ZNF846: variants seen among roughly 807,000 people sequenced by gnomAD.
ZNF846 encodes the protein zinc finger protein 846, also known as zinc finger protein 420 pseudogene.
ZNF846 carries 15 observed loss-of-function variants against 16.0 expected under a neutral mutation model. The observed-to-expected ratio is 0.94, with a 90% confidence interval of 0.63 to 1.45. The LOEUF is 1.45. Ranked by LOEUF, ZNF846 falls within the 40% of genes most tolerant of loss-of-function variation. ZNF846 has a pLI of 0.00. For synonymous variants in ZNF846, 229 were observed against 212.0 expected (o/e 1.08, Z -0.70); for missense variants, 714 against 622.3 (o/e 1.15, Z -1.57).
intron 1 of ZNF846, among the ~76,000 whole-genome samples, chr19:9,781,815 G>T (rs2045504658): frequency 7.2e-6 from 1 of 138,578 alleles, no homozygotes. Flanking sequence ...TGTCGCTCTT[G>T]TTGCCCAGGC....
At chr19:9,774,682 A>G in intron 1 of ZNF846, 1 of 1,491,872 alleles carries the variant, frequency 6.7e-7, no homozygotes, top group East Asian at 2.3e-5. Flanking sequence ...CAGAGTATCC[A>G]TTCAAACTAC....
chr19:9,761,212 A>C (rs1290861151), intron 4 of ZNF846, among the ~76,000 whole-genome samples: 4 of 151,968 alleles, frequency 2.6e-5, no homozygotes, highest in Non-Finnish European at 5.9e-5. Context: ...CAAACAAACA[A>C]ACAAACAAAG....
At chr19:9,774,482 A>T (rs2045417636) in intron 1 of ZNF846, 1 of 974,162 alleles carries the variant, frequency 1.0e-6, no homozygotes, top group Non-Finnish European at 1.6e-6. Flanking sequence ...AAAAAAAAAA[A>T]ATACCAAATC....
At chr19:9,754,563 T>TCAAAAAAA (rs776769152), downstream of ZNF846, among the ~76,000 whole-genome samples, 1,072 of 83,630 alleles carry the variant, frequency 0.013, 59 homozygotes, top group Admixed American at 0.025. Flanking sequence ...AGACTCTGTC[T>TCAAAAAAA]TAAAAAAAAA....
At chr19:9,762,253 G>A (rs979095469) in intron 3 of ZNF846, 85 bp from the exon 4 acceptor site, 33 of 1,013,750 alleles carry the variant, frequency 3.3e-5, no homozygotes, top group Admixed American at 2.2e-4. Context: ...TTTTGCCTTC[G>A]GGGATTCTAA....
downstream of ZNF846, among the ~76,000 whole-genome samples, chr19:9,751,300 A>G (rs999212046): frequency 1.1e-4 from 16 of 152,064 alleles, no homozygotes; most frequent in African/African-American, 3.6e-4. Flanking sequence ...ATCCTGCTCA[A>G]AGCAGCCCTG....
intron 1 of ZNF846, among the ~76,000 whole-genome samples, chr19:9,776,379 T>C (rs964642946): frequency 1.3e-5 from 2 of 152,210 alleles, no homozygotes; most frequent in Non-Finnish European, 1.5e-5. Context: ...CTCTGCCTTC[T>C]AGATAGCAGT....
chr19:9,782,118 C>T (rs1044494614), intron 1 of ZNF846, among the ~76,000 whole-genome samples: 6 of 152,034 alleles, frequency 3.9e-5, no homozygotes, highest in African/African-American at 9.7e-5. Flanking sequence ...GATAGAAGAA[C>T]TTTCCCTCAA....
chr19:9,753,195 A>G (rs1043983912), downstream of ZNF846, among the ~76,000 whole-genome samples: 1 of 151,304 alleles, frequency 6.6e-6, no homozygotes, highest in African/African-American at 2.5e-5. Context: ...TTAAGATGTC[A>G]ACATACGCAA....
Position 9,780,752 on chromosome 19 carries a change from C to T in ZNF846, c.-86+5186G>A, listed in dbSNP as rs141177668. On this transcript the variant is annotated intron_variant, in intron 1 of 4. Transcript: ENST00000586814. ...GTGTGAGCCACTGCACTCAGCCTGA[C>T]CTAGTGATGTTTTACTCCCAGTTCT... 2.8e-4 allele frequency among the ~76,000 whole-genome samples: 43 copies of T among 152,236 alleles called. No individual in the cohort carries two copies. In the East Asian group the frequency reaches 7.9e-3, roughly 28 times the overall value.
chr19:9,762,671 C>G (rs534717942), intron 3 of ZNF846, among the ~76,000 whole-genome samples: 1 of 152,176 alleles, frequency 6.6e-6, no homozygotes, highest in East Asian at 1.9e-4. Flanking sequence ...ATCCTCTACA[C>G]CAGGGGTGTC....
At chr19:9,767,355 G>C (rs1476684995) in intron 1 of ZNF846, among the ~76,000 whole-genome samples, 1 of 151,746 alleles carries the variant, frequency 6.6e-6, no homozygotes, top group African/African-American at 2.4e-5. Flanking sequence ...GGCTGGTCTG[G>C]AACTCCCAAC....
exon 6 of ZNF846, chr19:9,757,843 G>A: frequency 6.2e-7 from 1 of 1,613,208 alleles, no homozygotes; most frequent in Non-Finnish European, 8.5e-7. Flanking sequence ...ATCCTTACAT[G>A]TTGACTAAGC....
chr19:9,780,193 CT>C (rs2045488829), intron 1 of ZNF846, among the ~76,000 whole-genome samples: 1 of 151,782 alleles, frequency 6.6e-6, no homozygotes, highest in East Asian at 1.9e-4. Flanking sequence ...CCTGGCCACT[CT>C]TTTTTTCTTT....
At chr19:9,784,579 C>T (rs1194722341) in intron 1 of ZNF846, among the ~76,000 whole-genome samples, 2 of 152,148 alleles carry the variant, frequency 1.3e-5, no homozygotes, top group African/African-American at 4.8e-5. Flanking sequence ...TGCAAAGAGG[C>T]CTTCCTCTTT....
chr19:9,752,074 A>G (rs1023710298), downstream of ZNF846: 5 of 152,238 alleles, frequency 3.3e-5, no homozygotes, highest in African/African-American at 1.2e-4. Context: ...TGCTGGGATT[A>G]CATGCATGAG....
At chr19:9,778,761 C>T (rs2045472014) in intron 1 of ZNF846, among the ~76,000 whole-genome samples, 1 of 145,392 alleles carries the variant, frequency 6.9e-6, no homozygotes, top group Non-Finnish European at 1.5e-5. Context: ...TGAGATCATG[C>T]CATTGCAGTG....
chr19:9,754,611 T>C (rs550468580), downstream of ZNF846, among the ~76,000 whole-genome samples: 33 of 145,520 alleles, frequency 2.3e-4, no homozygotes, highest in African/African-American at 4.0e-4. Flanking sequence ...TACAGTTGGA[T>C]TGTGTATTTT....
chr19:9,767,445 T>C (rs1167898602), intron 1 of ZNF846, among the ~76,000 whole-genome samples: 3 of 107,804 alleles, frequency 2.8e-5, no homozygotes, highest in African/African-American at 1.1e-4. Flanking sequence ...CCAATACACA[T>C]TGATCTACAC....
Sources: allele counts gnomAD v4.1 joint callset (sites outside exome capture counted in the v4.1 genomes callset), GRCh38; gene constraint gnomAD v4.1.1; transcripts MANE v1.5; gene names NCBI Gene and HGNC (gene_info 2026-07-23, HGNC 2026-07-21).